The following APLP2 variants were observed in gnomAD, a reference collection of about 807,000 sequenced individuals.
APLP2 encodes amyloid beta precursor like protein 2, also known as CDEI box-binding protein.
A neutral mutation model predicts 89.9 loss-of-function variants in APLP2; 53 were observed. The observed-to-expected ratio is 0.59, with a 90% CI of 0.47 to 0.74. The LOEUF is 0.74. APLP2 is among the 30% of genes least tolerant of loss of function. The pLI, the probability that APLP2 is intolerant of heterozygous loss-of-function variation, is 0.00. For missense variants in APLP2, 973 were observed against 975.9 expected (o/e 1.00, Z 0.04); for synonymous variants, 372 against 348.6 (o/e 1.07, Z -0.75).
chr11:130,121,631 A>G lies in APLP2; in HGVS notation c.534A>G (p.Gly178=), dbSNP rs1306472566. ...TVVKEACLTQ[G]MTLYSYGMLL... is the part of the protein sequence containing the mutation. ...TCTTTTAGGCATGTCTGACTCAGGG[A>G]ATGACCTTATATAGCTACGGCATGC... Residue 178 remains glycine, a synonymous_variant, in exon 5 of 17, where the codon GGA becomes GGG. Transcript: ENST00000338167. 1 of 1,613,446 alleles carries G rather than the reference A, an allele frequency of 6.2e-7. No homozygotes were observed. Among genetic ancestry groups the G allele is most frequent in the East Asian group, 2.2e-5 (1 of 44,890 alleles).
chr11:130,084,729 A>G (rs1400046587), intron 1 of APLP2, among the ~76,000 whole-genome samples: 1 of 152,218 alleles, frequency 6.6e-6, no homozygotes, highest in Non-Finnish European at 1.5e-5. Flanking sequence ...TAAAAAAATA[A>G]GAAAGATCTC....
Position 130,143,584 on chromosome 11 carries a change from A to G in APLP2, c.*136A>G. ...CTGACCTCCTGGACTGTAGGACTAT[A>G]TAAAGTACTACTGTAGAACTGCAAT... On this transcript the variant is annotated 3_prime_UTR_variant, in exon 17 of 17. Transcript: ENST00000338167. The G allele has an allele frequency of 1.5e-6, 1 of 682,172 alleles. No individual in the cohort carries two copies. The highest frequency in any genetic ancestry group is 2.6e-6 in the Non-Finnish European group (1 of 387,490). 42.3% of individuals were successfully genotyped at this position (682,172 alleles called of 1,614,324 possible). A position where few individuals can be genotyped will look rare whatever the true frequency, so the allele number is the denominator to read the frequency against.
chr11:130,100,407 G>C (rs575154050), intron 1 of APLP2: 1 of 151,954 alleles, frequency 6.6e-6, no homozygotes, highest in Non-Finnish European at 1.5e-5. Context: ...TGAAGAACCT[G>C]TTCATTTGAG....
At chr11:130,100,946 C>G (rs1946827077) in intron 1 of APLP2, among the ~76,000 whole-genome samples, 1 of 152,076 alleles carries the variant, frequency 6.6e-6, no homozygotes, top group Non-Finnish European at 1.5e-5. Context: ...TAACAAGAAT[C>G]CTGCTATTTT....
At chr11:130,096,522 A>G (rs1291771139) in intron 1 of APLP2, among the ~76,000 whole-genome samples, 1 of 152,172 alleles carries the variant, frequency 6.6e-6, no homozygotes, top group African/African-American at 2.4e-5. Flanking sequence ...GTTTGAGACC[A>G]GCCTGGGCAA....
In APLP2 at chr11:130,083,026, C is replaced by CTTTTTTTTTTTTTTTTTTTT; in HGVS notation, c.105+12952_105+12971dup. Among the ~76,000 whole-genome samples the CTTTTTTTTTTTTTTTTTTTT allele has an allele frequency of 1.3e-3, 92 of 72,520 alleles. 8 individuals are homozygous for CTTTTTTTTTTTTTTTTTTTT. The highest frequency in any genetic ancestry group is 1.8e-3 in the African/African-American group (29 of 15,888). 47.6% of individuals were successfully genotyped at this position (72,520 alleles called of 152,430 possible). ...TATTAACCACTGAAACTTTTCTTTT[C>CTTTTTTTTTTTTTTTTTTTT]TTTTTTTTTTTTTTTTTTTTTTTTT... is the stretch of plus-strand genomic sequence containing the variant. On this transcript the variant is annotated intron_variant, in intron 1 of 16. Coordinates refer to ENST00000338167, the MANE Select transcript of APLP2 (RefSeq NM_001142276.2).
intron 3 of APLP2, among the ~76,000 whole-genome samples, chr11:130,118,160 G>T (rs2135908986): frequency 6.6e-6 from 1 of 151,916 alleles, no homozygotes; most frequent in South Asian, 2.1e-4. Context: ...TTTTGATGTT[G>T]CAGTTGCACA....
chr11:130,106,337 AC>A (rs1294325567), intron 1 of APLP2, among the ~76,000 whole-genome samples: 1 of 151,904 alleles, frequency 6.6e-6, no homozygotes, highest in Non-Finnish European at 1.5e-5. Context: ...CCACCACTCC[AC>A]CTTAGCCCAA....
chr11:130,129,217 C>G lies in APLP2; in HGVS notation c.1455+11C>G. ...TCTGACCCGCCACGGGTGAGTCCTGCCCCTAGCACTGCCTGCCCTGAGGTG... is the reference window on the plus strand; with the variant it reads ...TCTGACCCGCCACGGGTGAGTCCTGGCCCTAGCACTGCCTGCCCTGAGGTG... On this transcript the variant is annotated intron_variant, in intron 10 of 16. Coordinates refer to ENST00000338167, the MANE Select transcript of APLP2 (RefSeq NM_001142276.2). 1 of 1,607,754 alleles carries G rather than the reference C, an allele frequency of 6.2e-7. No individual in the cohort carries two copies. The highest frequency in any genetic ancestry group is 8.5e-7 in the Non-Finnish European group (1 of 1,176,122).
intron 2 of APLP2, 118 bp downstream of exon 2, chr11:130,109,720 C>G (rs1948298911): frequency 8.9e-7 from 1 of 1,128,964 alleles, no homozygotes; most frequent in Non-Finnish European, 1.2e-6. Flanking sequence ...ATGCTAATGA[C>G]TGGAGCCCCA....
At chr11:130,134,660 T>C (rs1347357853) in intron 12 of APLP2, among the ~76,000 whole-genome samples, 1 of 152,180 alleles carries the variant, frequency 6.6e-6, no homozygotes, top group Non-Finnish European at 1.5e-5. Flanking sequence ...AGGAAGCGAT[T>C]TTAGAAATTC....
intron 13 of APLP2, among the ~76,000 whole-genome samples, chr11:130,137,862 CAA>C (rs10616069): frequency 0.04 from 6,080 of 152,280 alleles, 383 homozygotes; most frequent in African/African-American, 0.14. Flanking sequence ...CTCCAGTTTT[CAA>C]AAAGAGTTAA....
At chr11:130,090,755 G>A (rs1276015586) in intron 1 of APLP2, among the ~76,000 whole-genome samples, 3 of 152,242 alleles carry the variant, frequency 2.0e-5, no homozygotes, top group African/African-American at 7.2e-5. Flanking sequence ...TGTCATCCTG[G>A]CCCGCTCTCA....
chr11:130,109,221 T>C, intron 1 of APLP2: 2 of 390,002 alleles, frequency 5.1e-6, no homozygotes, highest in Non-Finnish European at 8.9e-6. Flanking sequence ...TAAAAAAGTT[T>C]TTTCCTTTGC....
intron 1 of APLP2, among the ~76,000 whole-genome samples, chr11:130,080,434 A>AC (rs1942946630): frequency 6.6e-6 from 1 of 151,850 alleles, no homozygotes; most frequent in African/African-American, 2.4e-5. Flanking sequence ...CAAACTCCTG[A>AC]CCTCAAGTGA....
At chr11:130,142,194 C>A in intron 16 of APLP2, 120 bp downstream of exon 16, 2 of 1,138,260 alleles carry the variant, frequency 1.8e-6, no homozygotes, top group Non-Finnish European at 2.3e-6. Context: ...GTTATCAGTT[C>A]AGTTACTCAC....
At chr11:130,105,269 T>C (rs1360779962) in intron 1 of APLP2, among the ~76,000 whole-genome samples, 1 of 152,134 alleles carries the variant, frequency 6.6e-6, no homozygotes, top group Non-Finnish European at 1.5e-5. Flanking sequence ...AATACGTGTA[T>C]ACTGGGTGTG....
Position 130,123,531 on chromosome 11 carries a change from C to G in APLP2, c.923-81C>G. The G allele has an allele frequency of 6.8e-7, 1 of 1,464,576 alleles. No individual in the cohort carries two copies. The highest frequency in any genetic ancestry group is 1.3e-5 in the South Asian group (1 of 77,628). The allele number at this position is 1,464,576 out of a possible 1,614,324, so 90.7% of individuals were successfully genotyped here. ...TCTCAGGCCTCCCCCAGCCCATCCCCCAGCTCGCCAGCCTGTAGCATTTTG... is the reference window on the plus strand; with the variant it reads ...TCTCAGGCCTCCCCCAGCCCATCCCGCAGCTCGCCAGCCTGTAGCATTTTG... On this transcript the variant is annotated intron_variant, in intron 6 of 16. Coordinates refer to ENST00000338167, the MANE Select transcript of APLP2 (RefSeq NM_001142276.2). The surrounding 1 kb of genome is among the most constrained non-coding windows in gnomAD (Gnocchi z 4.0).
chr11:130,069,989 C>T lies in APLP2; in HGVS notation c.12C>T (p.Thr4=). ...CGACCCGGCGAGGGATGGCGGCCAC[C>T]GGGACCGCGGCCGCCGCAGCCACGG... MAA[T]GTAAAAATGR... Residue 4 remains threonine, a synonymous_variant, in exon 1 of 17, where the codon ACC becomes ACT. Transcript: ENST00000338167. The T allele has an allele frequency of 2.7e-6, 4 of 1,501,944 alleles. No homozygotes were observed. Among genetic ancestry groups the T allele is most frequent in the Non-Finnish European group, 2.7e-6 (3 of 1,130,316 alleles). The allele number at this position is 1,501,944 out of a possible 1,614,324, so 93.0% of individuals were successfully genotyped here. A position where few individuals can be genotyped will look rare whatever the true frequency, so the allele number is the denominator to read the frequency against.
Sources: gnomAD v4.1 joint callset for allele counts (sites outside exome capture counted in the v4.1 genomes callset) on GRCh38, gnomAD v4.1.1 for gene constraint, Gnocchi (gnomAD v3.1) non-coding constraint, MANE v1.5 for transcripts, NCBI Gene and HGNC (gene_info 2026-07-23, HGNC 2026-07-21) for gene names.